The following INTS6 variants were observed in gnomAD, a reference collection of about 807,000 sequenced individuals.
INTS6 encodes integrator complex subunit 6.
A neutral mutation model predicts 104.9 loss-of-function variants in INTS6; 16 were observed. The observed-to-expected ratio is 0.15, with a 90% CI of 0.10 to 0.23. INTS6 has a LOEUF of 0.23. INTS6 is among the 10% of genes least tolerant of loss of function. The probability of loss-of-function intolerance (pLI) is 1.00; values close to 1 mark genes in which losing one functional copy is unlikely to be tolerated. For synonymous variants in INTS6, 324 were observed against 358.7 expected (o/e 0.90, Z 1.09); for missense variants, 584 against 1,062.8 (o/e 0.55, Z 6.26).
intron 4 of INTS6, among the ~76,000 whole-genome samples, chr13:51,418,151 T>A (rs1956827949): frequency 6.6e-6 from 1 of 152,210 alleles, no homozygotes; most frequent in Non-Finnish European, 1.5e-5. Flanking sequence ...TAGCCAGGAA[T>A]AAAAGAAAGT....
intron 4 of INTS6, among the ~76,000 whole-genome samples, chr13:51,409,705 A>G (rs1956647779): frequency 6.6e-6 from 1 of 152,128 alleles, no homozygotes; most frequent in Non-Finnish European, 1.5e-5. Context: ...TAACAAATTA[A>G]TGTTAAGCTT....
At chr13:51,380,068 C>CT (rs1237348666) in intron 10 of INTS6, among the ~76,000 whole-genome samples, 3 of 152,132 alleles carry the variant, frequency 2.0e-5, no homozygotes, top group African/African-American at 7.2e-5. Flanking sequence ...AATACCTACT[C>CT]TTACAGGGTT....
the INTS6 span, chr13:51,341,167 A>G: frequency 2.5e-6 from 4 of 1,613,916 alleles, no homozygotes; most frequent in Non-Finnish European, 1.7e-6. Context: ...CCGTGAAGGA[A>G]TGACATTGCT....
intron 3 of INTS6, chr13:51,437,602 A>G (rs1196660588): frequency 1.3e-5 from 2 of 152,264 alleles, no homozygotes; most frequent in Non-Finnish European, 2.9e-5. Context: ...TTAGCAATAA[A>G]GCATTAAATT....
downstream of INTS6, among the ~76,000 whole-genome samples, chr13:51,360,809 A>G (rs751001277): frequency 1.7e-4 from 26 of 152,044 alleles, no homozygotes; most frequent in Non-Finnish European, 3.5e-4. Context: ...AGTGGCTCTT[A>G]AAGTGCAGTC....
At chr13:51,381,427 C>T (rs941915786) in intron 10 of INTS6, among the ~76,000 whole-genome samples, 7 of 152,122 alleles carry the variant, frequency 4.6e-5, no homozygotes, top group Non-Finnish European at 1.0e-4. Context: ...ATCTATGTAA[C>T]AGAACCAATA....
At chr13:51,360,234 A>G (rs1955550174), downstream of INTS6, among the ~76,000 whole-genome samples, 1 of 152,034 alleles carries the variant, frequency 6.6e-6, no homozygotes, top group Admixed American at 6.6e-5. Flanking sequence ...CAAACTGATC[A>G]TTTTAACATT....
chr13:51,390,952 T>G (rs990045848), intron 5 of INTS6, among the ~76,000 whole-genome samples: 1 of 152,114 alleles, frequency 6.6e-6, no homozygotes, highest in Non-Finnish European at 1.5e-5. Flanking sequence ...CTAACTAACT[T>G]TTCCAAGTTA....
At chr13:51,394,697 C>G (rs1368916017) in intron 5 of INTS6, among the ~76,000 whole-genome samples, 1 of 152,138 alleles carries the variant, frequency 6.6e-6, no homozygotes, top group Non-Finnish European at 1.5e-5. Flanking sequence ...ACTTGGTACA[C>G]AGTAGGCACG....
chr13:51,390,144 A>G (rs886350378), intron 5 of INTS6, among the ~76,000 whole-genome samples: 6 of 152,018 alleles, frequency 3.9e-5, no homozygotes, highest in African/African-American at 1.4e-4. Context: ...AAGATCTTTT[A>G]AAGAGGAATT....
chr13:51,392,536 A>AT lies in INTS6; in HGVS notation c.613+2763dup, dbSNP rs1166114298. On this transcript the variant is annotated intron_variant, in intron 5 of 17. Coordinates refer to ENST00000311234, the MANE Select transcript of INTS6 (RefSeq NM_012141.3). ...ATGCTAGCCTTCCTGTTGCTTCCAA[A>AT]TATATAGAGAGCATGTCCCTTTCCT... Among the ~76,000 whole-genome samples the AT allele has an allele frequency of 2.0e-5, 3 of 152,314 alleles. No homozygotes were observed. The East Asian group carries it at 5.8e-4, about 29-fold the overall frequency.
chr13:51,348,533 G>C, the INTS6 span: 1 of 733,080 alleles, frequency 1.4e-6, no homozygotes, highest in Non-Finnish European at 2.2e-6. Context: ...TGTTTAATAT[G>C]TATCCCCAGA....
At chr13:51,410,429 T>TA (rs1956663387) in intron 4 of INTS6, among the ~76,000 whole-genome samples, 1 of 152,180 alleles carries the variant, frequency 6.6e-6, no homozygotes, top group African/African-American at 2.4e-5. Context: ...AAAACATGGC[T>TA]AATTGACTCA....
chr13:51,399,734 G>A (rs536358926), intron 4 of INTS6, among the ~76,000 whole-genome samples: 13 of 146,588 alleles, frequency 8.9e-5, no homozygotes, highest in African/African-American at 2.4e-4. Context: ...GTGTGTGTGC[G>A]TGTGTGTAGT....
rs1443820824 is a variant in INTS6, at chr13:51,365,605, T to C, written c.*147A>G. 4.5e-6 allele frequency: 2 copies of C among 443,974 alleles called. No homozygotes were observed. Among genetic ancestry groups the C allele is most frequent in the South Asian group, 5.7e-5 (1 of 17,470 alleles). The allele number at this position is 443,974 out of a possible 1,614,324, so 27.5% of individuals were successfully genotyped here. ...AAATGAAGAAAAGGTCACTGTAAAA[T>C]GATGGAAAAAGGATCTGTAGATTTG... On this transcript the variant is annotated 3_prime_UTR_variant, in exon 18 of 18. Coordinates refer to ENST00000311234, the MANE Select transcript of INTS6 (RefSeq NM_012141.3).
the INTS6 span, among the ~76,000 whole-genome samples, chr13:51,338,209 A>G: frequency 2.0e-5 from 3 of 152,182 alleles, no homozygotes; most frequent in African/African-American, 2.4e-5. Flanking sequence ...ATAGTGAATC[A>G]GCTGTTTCCC....
chr13:51,417,041 C>A (rs1956800246), intron 4 of INTS6, among the ~76,000 whole-genome samples: 1 of 152,194 alleles, frequency 6.6e-6, no homozygotes, highest in Admixed American at 6.5e-5. Context: ...AATGTCTAAT[C>A]AAATCCTTTG....
chr13:51,407,203 T>C (rs542848168), intron 4 of INTS6, among the ~76,000 whole-genome samples: 1 of 152,306 alleles, frequency 6.6e-6, no homozygotes, highest in South Asian at 2.1e-4. Flanking sequence ...CTTGACCAGA[T>C]CTAATTCATT....
In INTS6 at chr13:51,383,572, T is replaced by C; in HGVS notation, c.1047+17A>G. ...CCTCATTTAAATTTTGGGGTCACTG[T>C]AAGTTGTTCAGCTTACCTGCCAACA... On this transcript the variant is annotated intron_variant, in intron 8 of 17. Transcript: ENST00000311234. 1 of 1,612,032 alleles carries C rather than the reference T, an allele frequency of 6.2e-7. No homozygotes were observed. Among genetic ancestry groups the C allele is most frequent in the Non-Finnish European group, 8.5e-7 (1 of 1,178,826 alleles).
Sources: allele counts gnomAD v4.1 joint callset (sites outside exome capture counted in the v4.1 genomes callset), GRCh38; gene constraint gnomAD v4.1.1; transcripts MANE v1.5; gene names NCBI Gene and HGNC (gene_info 2026-07-23, HGNC 2026-07-21).